FAM124A: variants seen among roughly 807,000 people sequenced by gnomAD.
FAM124A encodes the protein family with sequence similarity 124 member A.
A neutral mutation model predicts 24.5 loss-of-function variants in FAM124A; 23 were observed. The observed-to-expected ratio is 0.94, with a 90% CI of 0.68 to 1.33. The LOEUF is 1.33. FAM124A is among the 40% of genes most tolerant of loss of function. FAM124A has a pLI of 0.00. For synonymous variants in FAM124A, 287 were observed against 314.7 expected, an observed-to-expected ratio of 0.91 and a Z score of 0.93; for missense variants, 623 against 722.8, an observed-to-expected ratio of 0.86 and a Z score of 1.58.
At chr13:51,222,703 G>T in intron 1 of FAM124A, 134 bp downstream of exon 1, 1 of 937,714 alleles carries the variant, frequency 1.1e-6, no homozygotes. Flanking sequence ...CGGATCCCCC[G>T]CTCTCTCCTG....
chr13:51,226,502 T>C (rs1954316958), intron 1 of FAM124A, among the ~76,000 whole-genome samples: 1 of 152,130 alleles, frequency 6.6e-6, no homozygotes, highest in Non-Finnish European at 1.5e-5. Context: ...GTTGAGTGGG[T>C]GCCCAGTTGA....
At chr13:51,280,054 T>G (rs1954920077) in intron 3 of FAM124A, among the ~76,000 whole-genome samples, 1 of 152,240 alleles carries the variant, frequency 6.6e-6, no homozygotes, top group Admixed American at 6.5e-5. Flanking sequence ...GAGCACACTG[T>G]GATTCTTTGG....
chr13:51,255,548 T>G (rs981846417), intron 3 of FAM124A, among the ~76,000 whole-genome samples: 1 of 152,236 alleles, frequency 6.6e-6, no homozygotes, highest in Non-Finnish European at 1.5e-5. Context: ...ATGATGTGAT[T>G]CAGAGTTCAC....
chr13:51,262,056 C>T (rs1954743813), intron 3 of FAM124A, among the ~76,000 whole-genome samples: 1 of 152,258 alleles, frequency 6.6e-6, no homozygotes, highest in South Asian at 2.1e-4. Context: ...GGGACACCCT[C>T]CTGGCCCAGG....
intron 2 of FAM124A, among the ~76,000 whole-genome samples, chr13:51,238,842 C>A (rs1954462177): frequency 6.6e-6 from 1 of 152,146 alleles, no homozygotes; most frequent in Admixed American, 6.5e-5. Context: ...AAAGCAATAA[C>A]CAAAGATATG....
rs1182925739 is a variant in FAM124A, at chr13:51,251,671, G to T, written c.304G>T (p.Ala102Ser). The T allele has an allele frequency of 1.3e-6, 2 of 1,586,522 alleles. No individual in the cohort carries two copies. Among genetic ancestry groups the T allele is most frequent in the South Asian group, 1.1e-5 (1 of 88,272 alleles). ...CCCCAAGGGCGCTCAGCCAGCGCTG[G>T]CTGTGGTGCTGTTCCTGCAGGAGGA... ...KPPKGAQPAL[A>S]VVLFLQEEYG... Residue 102 changes from alanine to serine, a missense_variant, in exon 3 of 4, where the codon GCT (alanine) becomes TCT (serine). Ala to Ser is a moderately conservative substitution (Grantham distance 99). Coordinates refer to ENST00000322475, the MANE Select transcript of FAM124A (RefSeq NM_001242312.2). This position sits in a 1 kb window ranked among gnomAD's most constrained non-coding sequence, Gnocchi z 5.3.
At chr13:51,236,117 C>T (rs996316288) in intron 2 of FAM124A, among the ~76,000 whole-genome samples, 28 of 152,176 alleles carry the variant, frequency 1.8e-4, no homozygotes, top group African/African-American at 6.0e-4. Context: ...GAACTGCCCT[C>T]GAAGCAGCCC....
chr13:51,223,384 A>T (rs2137636702), intron 1 of FAM124A, among the ~76,000 whole-genome samples: 2 of 152,280 alleles, frequency 1.3e-5, no homozygotes, highest in South Asian at 4.1e-4. Context: ...TTTCCTGTGC[A>T]GAGTCAGCAC....
intron 2 of FAM124A, among the ~76,000 whole-genome samples, chr13:51,238,297 G>A (rs914162998): frequency 2.6e-5 from 4 of 152,224 alleles, no homozygotes; most frequent in Non-Finnish European, 5.9e-5. Flanking sequence ...CCAGGAGCTT[G>A]TTAGAAATGC....
chr13:51,242,546 A>G (rs891360621), intron 2 of FAM124A, among the ~76,000 whole-genome samples: 2 of 152,138 alleles, frequency 1.3e-5, no homozygotes, highest in Admixed American at 6.5e-5. Context: ...TTCTCCCAGA[A>G]TCTCTGTCAA....
intron 3 of FAM124A, among the ~76,000 whole-genome samples, chr13:51,260,836 T>C (rs1455766943): frequency 1.3e-5 from 2 of 152,122 alleles, no homozygotes; most frequent in African/African-American, 2.4e-5. Context: ...CCAGCAGATG[T>C]GGGCTGGGGC....
chr13:51,276,422 T>G (rs562908629), intron 3 of FAM124A, among the ~76,000 whole-genome samples: 1 of 152,298 alleles, frequency 6.6e-6, no homozygotes, highest in East Asian at 1.9e-4. Flanking sequence ...GAAGAGAAGG[T>G]AGACAGATGA....
rs1954633001 is a variant in FAM124A, at chr13:51,252,216, C to T, written c.834+15C>T. 6.2e-7 allele frequency: 1 copy of T among 1,608,272 alleles called. No homozygotes were observed. The highest frequency in any genetic ancestry group is 1.3e-5 in the African/African-American group (1 of 74,812). On this transcript the variant is annotated intron_variant, in intron 3 of 3. Coordinates refer to ENST00000322475, the MANE Select transcript of FAM124A (RefSeq NM_001242312.2). ...TCCTCCTACAGGTACTGGGGGGACG[C>T]CTGTCTGTCTGTTTAGGGGACCTGA...
intron 3 of FAM124A, among the ~76,000 whole-genome samples, chr13:51,278,779 A>C (rs1954908661): frequency 6.6e-6 from 1 of 152,210 alleles, no homozygotes; most frequent in Non-Finnish European, 1.5e-5. Context: ...ATTTCTGTTA[A>C]ACAAGCACAG....
At chr13:51,254,949 G>A (rs1681617888) in intron 3 of FAM124A, among the ~76,000 whole-genome samples, 1 of 152,106 alleles carries the variant, frequency 6.6e-6, no homozygotes, top group Non-Finnish European at 1.5e-5. Context: ...GCACACAGAT[G>A]AAAAAACAGA....
At chr13:51,230,780 T>TA (rs1324490301) in intron 1 of FAM124A, among the ~76,000 whole-genome samples, 53 of 152,220 alleles carry the variant, frequency 3.5e-4, no homozygotes, top group African/African-American at 1.3e-3. Context: ...CACATCCTGT[T>TA]ACTCTAATAT....
At chr13:51,224,194 T>C (rs7333270) in intron 1 of FAM124A, among the ~76,000 whole-genome samples, 75,494 of 152,206 alleles carry the variant, frequency 0.5, 18,941 homozygotes, top group East Asian at 0.65. Context: ...CTTGGCCAGG[T>C]GCGGTAGCTC....
intron 3 of FAM124A, among the ~76,000 whole-genome samples, chr13:51,275,359 C>A (rs1044515520): frequency 3.3e-5 from 5 of 152,098 alleles, no homozygotes; most frequent in African/African-American, 1.2e-4. Context: ...GCCTGGGTAA[C>A]AGAAGGAGGC....
At chr13:51,226,466 A>G (rs1954316761) in intron 1 of FAM124A, among the ~76,000 whole-genome samples, 1 of 151,988 alleles carries the variant, frequency 6.6e-6, no homozygotes, top group South Asian at 2.1e-4. Context: ...AGGAGAATGG[A>G]GATTTGAATA....
Sources: gnomAD v4.1 joint callset for allele counts (sites outside exome capture counted in the v4.1 genomes callset) on GRCh38, gnomAD v4.1.1 for gene constraint, Gnocchi (gnomAD v3.1) non-coding constraint, MANE v1.5 for transcripts, NCBI Gene and HGNC (gene_info 2026-07-23, HGNC 2026-07-21) for gene names.